Variants in NEGR1 observed in about 807,000 individuals in gnomAD.
NEGR1 encodes the protein neuronal growth regulator 1.
In NEGR1, 10 loss-of-function variants were observed where a neutral mutation model predicts 40.9. The observed-to-expected ratio is 0.24, with a 90% CI of 0.15 to 0.42. The LOEUF (loss-of-function observed/expected upper bound fraction) is 0.42. Ranked by LOEUF, NEGR1 falls within the 10% of genes least tolerant of loss-of-function variation. The pLI is 1.00. For missense variants in NEGR1, 352 were observed against 438.9 expected (o/e 0.80, Z 1.77); for synonymous variants, 185 against 166.8 (o/e 1.11, Z -0.84).
intron 1 of NEGR1, among the ~76,000 whole-genome samples, chr1:72,266,763 A>ACC (rs1553155178): frequency 6.7e-6 from 1 of 148,620 alleles, no homozygotes. Flanking sequence ...ACACACACAC[A>ACC]CCAATTTGGA....
chr1:72,139,640 CA>C (rs1650598497), intron 1 of NEGR1, among the ~76,000 whole-genome samples: 1 of 151,938 alleles, frequency 6.6e-6, no homozygotes, highest in Non-Finnish European at 1.5e-5. Context: ...TGTAAAAAAT[CA>C]TTTATGTAAA....
At chr1:72,219,786 C>T (rs1207128168) in intron 1 of NEGR1, among the ~76,000 whole-genome samples, 3 of 152,044 alleles carry the variant, frequency 2.0e-5, no homozygotes, top group Non-Finnish European at 2.9e-5. Flanking sequence ...ACATAACTAT[C>T]TTCAATTTTA....
At chr1:71,924,676 C>T (rs1645755755) in intron 2 of NEGR1, among the ~76,000 whole-genome samples, 1 of 152,162 alleles carries the variant, frequency 6.6e-6, no homozygotes, top group Non-Finnish European at 1.5e-5. Flanking sequence ...GTCTTTGTAG[C>T]TAACTCTGTC....
intron 1 of NEGR1, among the ~76,000 whole-genome samples, chr1:72,216,394 T>TATATAC (rs1364082455): frequency 7.2e-5 from 10 of 139,502 alleles, no homozygotes; most frequent in African/African-American, 2.0e-4. Context: ...CATATATATA[T>TATATAC]ATATATACAT....
rs764506865 is a variant in NEGR1, at chr1:71,776,154, A to C, written c.535+18T>G. On this transcript the variant is annotated intron_variant, in intron 3 of 6. Coordinates refer to ENST00000357731, the MANE Select transcript of NEGR1 (RefSeq NM_173808.3). ...AAAAATGAACAGCACAAACAACACT[A>C]ATGCATTCCTACTTTACCTGATGGG... 4.0e-5 allele frequency: 64 copies of C among 1,602,934 alleles called. No homozygotes were observed.
chr1:71,570,788 A>G (rs1416941617), intron 6 of NEGR1, among the ~76,000 whole-genome samples: 1 of 152,146 alleles, frequency 6.6e-6, no homozygotes, highest in Non-Finnish European at 1.5e-5. Context: ...TATAGGAGAA[A>G]ATTAACATAA....
chr1:72,226,939 C>T (rs1654209122), intron 1 of NEGR1, among the ~76,000 whole-genome samples: 1 of 151,962 alleles, frequency 6.6e-6, no homozygotes, highest in Non-Finnish European at 1.5e-5. Flanking sequence ...TCCATTTTCA[C>T]AGCATAGCTA....
intron 1 of NEGR1, among the ~76,000 whole-genome samples, chr1:72,161,213 G>A (rs1179469218): frequency 6.6e-6 from 1 of 151,906 alleles, no homozygotes; most frequent in Admixed American, 6.6e-5. Context: ...TATGGAAAAA[G>A]GCCATTCCTG....
chr1:71,606,575 C>T (rs750063081), intron 5 of NEGR1, among the ~76,000 whole-genome samples: 3 of 151,986 alleles, frequency 2.0e-5, no homozygotes, highest in East Asian at 1.9e-4. Context: ...GAACATGGGC[C>T]GAGAGGTTAT....
chr1:71,543,867 T>C (rs1647799363), intron 6 of NEGR1, among the ~76,000 whole-genome samples: 1 of 151,720 alleles, frequency 6.6e-6, no homozygotes, highest in Non-Finnish European at 1.5e-5. Context: ...TCTTGGAAAA[T>C]GAATCCAGGA....
At chr1:72,257,891 C>T (rs1421438929) in intron 1 of NEGR1, among the ~76,000 whole-genome samples, 1 of 152,150 alleles carries the variant, frequency 6.6e-6, no homozygotes, top group Non-Finnish European at 1.5e-5. Flanking sequence ...AATCTCTGAA[C>T]ATTCTGTGAA....
chr1:72,154,086 G>A (rs1651265573), intron 1 of NEGR1, among the ~76,000 whole-genome samples: 1 of 151,858 alleles, frequency 6.6e-6, no homozygotes, highest in African/African-American at 2.4e-5. Flanking sequence ...TGCGTGGGGA[G>A]ATGTAACCTG....
chr1:71,810,736 T>C (rs1357239367), intron 2 of NEGR1, among the ~76,000 whole-genome samples: 2 of 151,950 alleles, frequency 1.3e-5, no homozygotes, highest in Non-Finnish European at 1.5e-5. Context: ...AGTGTGTAGC[T>C]CCTCTCCCTT....
chr1:71,903,621 A>G (rs1011635717), intron 2 of NEGR1, among the ~76,000 whole-genome samples: 4 of 151,934 alleles, frequency 2.6e-5, no homozygotes, highest in Non-Finnish European at 4.4e-5. Flanking sequence ...GCTGTGTCCA[A>G]ATAAATTTCC....
At chr1:71,656,051 T>G (rs1341756878) in intron 4 of NEGR1, among the ~76,000 whole-genome samples, 1 of 152,222 alleles carries the variant, frequency 6.6e-6, no homozygotes, top group Non-Finnish European at 1.5e-5. Context: ...ATATCCCATT[T>G]ATAACTGAAG....
At chr1:72,065,412 C>T (rs1236209794) in intron 1 of NEGR1, among the ~76,000 whole-genome samples, 1 of 152,088 alleles carries the variant, frequency 6.6e-6, no homozygotes, top group African/African-American at 2.4e-5. Flanking sequence ...TGATCCATTT[C>T]TCCCTCACAG....
At chr1:71,864,755 T>G (rs530402542) in intron 2 of NEGR1, among the ~76,000 whole-genome samples, 4 of 151,962 alleles carry the variant, frequency 2.6e-5, no homozygotes, top group Admixed American at 2.6e-4. Context: ...AAATAAAACA[T>G]CAAAAACACA....
At position 72,095,429 on chromosome 1, in the gene NEGR1, C is replaced by T. The variant is rs189841471; in HGVS notation, c.177-160118G>A. 5.9e-3 allele frequency among the ~76,000 whole-genome samples: 892 copies of T among 152,068 alleles called. 9 individuals are homozygous for T. Among genetic ancestry groups the T allele is most frequent in the Non-Finnish European group, 9.1e-3 (621 of 67,954 alleles). On this transcript the variant is annotated intron_variant, in intron 1 of 6. Coordinates refer to ENST00000357731, the MANE Select transcript of NEGR1 (RefSeq NM_173808.3). ...TAATTCTTTAATTATAAGAATCAAG[C>T]AGACTATGTGGAAACACTTCTATAT...
chr1:71,552,296 T>A (rs999494263), intron 6 of NEGR1, among the ~76,000 whole-genome samples: 4 of 150,522 alleles, frequency 2.7e-5, no homozygotes, highest in African/African-American at 9.7e-5. Flanking sequence ...CTGATTCTCA[T>A]CCTGTGGCCC....
Sources: allele counts gnomAD v4.1 joint callset (sites outside exome capture counted in the v4.1 genomes callset), GRCh38; gene constraint gnomAD v4.1.1; transcripts MANE v1.5; gene names NCBI Gene and HGNC (gene_info 2026-07-23, HGNC 2026-07-21).